CSMD3: variants seen among roughly 807,000 people sequenced by gnomAD.
The protein encoded by CSMD3 is CUB and Sushi multiple domains 3.
In CSMD3, 177 loss-of-function variants were observed where a neutral mutation model predicts 435.2. The ratio of observed to expected loss-of-function variants is 0.41; its 90% CI spans 0.36 to 0.46. The LOEUF (loss-of-function observed/expected upper bound fraction) is 0.46. CSMD3 is among the 20% of genes least tolerant of loss of function. The pLI is 0.34. For missense variants in CSMD3, 4,265 were observed against 4,504.6 expected (o/e 0.95, Z 1.52); for synonymous variants, 1,656 against 1,520.5 (o/e 1.09, Z -2.07).
intron 13 of CSMD3, among the ~76,000 whole-genome samples, chr8:112,725,811 C>A (rs1005152333): frequency 5.9e-5 from 9 of 151,856 alleles, no homozygotes; most frequent in African/African-American, 1.7e-4. Flanking sequence ...GTATTTATTT[C>A]TTATTAACTG....
intron 45 of CSMD3, among the ~76,000 whole-genome samples, chr8:112,334,745 A>G (rs1824403062): frequency 6.6e-6 from 1 of 152,226 alleles, no homozygotes; most frequent in African/African-American, 2.4e-5. Flanking sequence ...TTATGAATAC[A>G]GAGCCCAGAA....
At chr8:113,006,317 C>T (rs2086054300) in intron 6 of CSMD3, among the ~76,000 whole-genome samples, 1 of 151,938 alleles carries the variant, frequency 6.6e-6, no homozygotes, top group South Asian at 2.1e-4. Flanking sequence ...ACTCTTCAGG[C>T]ACAGCAAGAG....
chr8:112,973,944 A>C (rs1272575135), intron 7 of CSMD3, among the ~76,000 whole-genome samples: 1 of 151,930 alleles, frequency 6.6e-6, no homozygotes, highest in Admixed American at 6.6e-5. Context: ...AATGTTTTAC[A>C]TCTACTTTGA....
intron 11 of CSMD3, among the ~76,000 whole-genome samples, chr8:112,848,396 T>G (rs1483040354): frequency 6.6e-6 from 1 of 152,110 alleles, no homozygotes; most frequent in Admixed American, 6.6e-5. Context: ...CCGAACAATA[T>G]ATATTGCTTA....
rs2092816002 is a variant in CSMD3 at position 113,210,048 on chromosome 8, T to TGAC, written c.515-36133_515-36132insGTC. On this transcript the variant is annotated intron_variant, in intron 3 of 70. Transcript: ENST00000297405. The stretch of plus-strand genomic sequence containing the variant: ...TGTGTGTGTGTGTGTGTGTGTGTGA[T>TGAC]ACACAGTGTTTTCTAATTTTAAACT... Among the ~76,000 whole-genome samples the TGAC allele has an allele frequency of 3.6e-5, 4 of 112,224 alleles. No homozygotes were observed. The South Asian group carries it at 8.5e-4, about 24-fold the overall frequency. The allele number at this position is 112,224 out of a possible 152,430, so 73.6% of individuals were successfully genotyped here. A position where few individuals can be genotyped will look rare whatever the true frequency, so the allele number is the denominator to read the frequency against.
rs1827793837 is a variant in CSMD3, at chr8:112,552,712, C to T, written c.4243G>A (p.Gly1415Arg). 6.2e-7 allele frequency: 1 copy of T among 1,611,382 alleles called. No homozygotes were observed. ...GATGATTCTCCTTTAAAACGACCTC[C>T]ACATTCAGCTGATAAAAAATAATAG... is the stretch of plus-strand genomic sequence containing the variant. ...YPLPSCIAECGGRFKGESSGR... is the reference protein window; with the variant it reads ...YPLPSCIAECRGRFKGESSGR... Residue 1415 changes from glycine (G) to arginine (R), a missense_variant, in exon 26 of 71, where the codon GGA (glycine) becomes AGA (arginine). This residue lies in a region of CSMD3 where 3,255 missense variants were observed against 3,380.2 expected (regional missense o/e 0.96). Coordinates refer to ENST00000297405, the MANE Select transcript of CSMD3 (RefSeq NM_198123.2).
At chr8:112,944,038 T>C (rs1431731128) in intron 9 of CSMD3, among the ~76,000 whole-genome samples, 4 of 151,604 alleles carry the variant, frequency 2.6e-5, no homozygotes, top group Non-Finnish European at 5.9e-5. Flanking sequence ...TTATCATCAA[T>C]CTCAAAAGGG....
At chr8:112,830,657 CATATT>C (rs1396873491) in intron 11 of CSMD3, among the ~76,000 whole-genome samples, 1 of 151,428 alleles carries the variant, frequency 6.6e-6, no homozygotes, top group Non-Finnish European at 1.5e-5. Flanking sequence ...CTGAAGTTAC[CATATT>C]ATGAGAGAAT....
At chr8:112,735,512 T>C (rs1232119843) in intron 13 of CSMD3, among the ~76,000 whole-genome samples, 1 of 152,076 alleles carries the variant, frequency 6.6e-6, no homozygotes, top group Non-Finnish European at 1.5e-5. Context: ...GACAAACTTA[T>C]AATTTTATGT....
At position 112,692,530 on chromosome 8, in the gene CSMD3, A is replaced by G. The variant is rs2076159900; in HGVS notation, c.1973-2480T>C. Among the ~76,000 whole-genome samples the G allele has an allele frequency of 2.6e-5, 4 of 152,332 alleles. No individual in the cohort carries two copies. In the South Asian group the frequency reaches 8.3e-4, roughly 32 times the overall value. The stretch of plus-strand genomic sequence containing the variant: ...TATATTAATCAAGTTGAAATTATTT[A>G]TGCCTTCAATGTCTACTGGCTCCAA... On this transcript the variant is annotated intron_variant, in intron 13 of 70. Coordinates refer to ENST00000297405, the MANE Select transcript of CSMD3 (RefSeq NM_198123.2).
At chr8:112,623,686 A>G (rs1435671486) in intron 22 of CSMD3, among the ~76,000 whole-genome samples, 6 of 118,482 alleles carry the variant, frequency 5.1e-5, no homozygotes, top group Non-Finnish European at 3.3e-5. Context: ...ATTCATTTTT[A>G]TCTTTGCTAC....
chr8:112,665,384 C>T (rs1424889384), intron 17 of CSMD3, among the ~76,000 whole-genome samples: 3 of 152,134 alleles, frequency 2.0e-5, no homozygotes, highest in East Asian at 1.9e-4. Flanking sequence ...GTTTAATACT[C>T]TACCTCTGTT....
intron 38 of CSMD3, among the ~76,000 whole-genome samples, chr8:112,362,053 T>C (rs1464251204): frequency 6.6e-6 from 1 of 151,692 alleles, no homozygotes; most frequent in Non-Finnish European, 1.5e-5. Flanking sequence ...AAGATAAGAG[T>C]TCAAGAATAA....
chr8:113,056,236 C>A (rs1380444272), intron 5 of CSMD3, among the ~76,000 whole-genome samples: 1 of 152,140 alleles, frequency 6.6e-6, no homozygotes, highest in Non-Finnish European at 1.5e-5. Context: ...AACACTTAAG[C>A]AGCAGGAACC....
At chr8:112,416,113 T>C (rs760716816) in intron 32 of CSMD3, among the ~76,000 whole-genome samples, 2 of 152,170 alleles carry the variant, frequency 1.3e-5, no homozygotes, top group African/African-American at 4.8e-5. Flanking sequence ...ATGGGCTGTG[T>C]CCTCATCCAA....
chr8:112,948,432 T>C (rs2083690302), intron 8 of CSMD3, among the ~76,000 whole-genome samples: 1 of 152,034 alleles, frequency 6.6e-6, no homozygotes, highest in African/African-American at 2.4e-5. Flanking sequence ...CATAATGGTG[T>C]AAACCAAAAC....
At chr8:113,391,511 A>G (rs554408991) in intron 1 of CSMD3, among the ~76,000 whole-genome samples, 1 of 152,154 alleles carries the variant, frequency 6.6e-6, no homozygotes, top group East Asian at 1.9e-4. Flanking sequence ...AATGCATAGC[A>G]TTAAGAAATT....
At chr8:112,827,665 A>C (rs569770206) in intron 12 of CSMD3, among the ~76,000 whole-genome samples, 1 of 152,226 alleles carries the variant, frequency 6.6e-6, no homozygotes, top group Admixed American at 6.5e-5. Flanking sequence ...TATGAGTGTC[A>C]GGTAAAGAAA....
intron 11 of CSMD3, among the ~76,000 whole-genome samples, chr8:112,850,221 T>C (rs1044031758): frequency 8.5e-5 from 13 of 152,256 alleles, no homozygotes; most frequent in African/African-American, 1.7e-4. Flanking sequence ...CAGTAAGAAA[T>C]GGAGTGACTA....
Sources: gnomAD v4.1 joint callset for allele counts (sites outside exome capture counted in the v4.1 genomes callset) on GRCh38, gnomAD v4.1.1 for gene constraint, gnomAD v4.1.1 regional missense constraint, MANE v1.5 for transcripts, NCBI Gene and HGNC (gene_info 2026-07-23, HGNC 2026-07-21) for gene names.